DPYSL5: variants seen among roughly 807,000 people sequenced by gnomAD.
DPYSL5 encodes the protein dihydropyrimidinase-related protein 5.
In DPYSL5, 9 loss-of-function variants were observed where a neutral mutation model predicts 58.4. The ratio of observed to expected loss-of-function variants is 0.15; its 90% CI spans 0.09 to 0.27. DPYSL5 has a LOEUF of 0.27. Among genes scored for constraint, DPYSL5 ranks in the 10% least tolerant of loss-of-function variants. The pLI, the probability that DPYSL5 is intolerant of heterozygous loss-of-function variation, is 1.00. For missense variants in DPYSL5, 499 were observed against 770.6 expected (o/e 0.65, Z 4.17); for synonymous variants, 293 against 301.9 (o/e 0.97, Z 0.31).
chr2:26,876,515 T>C (rs934162530), intron 1 of DPYSL5, among the ~76,000 whole-genome samples: 1 of 152,084 alleles, frequency 6.6e-6, no homozygotes, highest in Non-Finnish European at 1.5e-5. Flanking sequence ...TTTTGGGGTT[T>C]GTTTTTGTTT....
In DPYSL5 at chr2:26,942,686, G is replaced by A; in HGVS notation, c.1376G>A (p.Gly459Asp). ...GTCTTCATGTGCGCCGAGGGCACCG[G>A]CAAGTTCTGTCCCCTGAGGTCCTTC... ...NGVFMCAEGT[G>D]KFCPLRSFPD... is the part of the protein sequence containing the mutation. The change falls in exon 11 of 13, where the codon GGC becomes GAC. Residue 459 changes from glycine (G) to aspartate (D), a missense_variant. By Grantham distance (94) the Gly-to-Asp change is moderately conservative. This residue lies in a region of DPYSL5 where 404 missense variants were observed against 647.6 expected (regional missense o/e 0.62). Transcript: ENST00000288699. This position sits in a 1 kb window ranked among gnomAD's most constrained non-coding sequence, Gnocchi z 5.9. 6.2e-7 allele frequency: 1 copy of A among 1,614,188 alleles called. No individual in the cohort carries two copies. Among genetic ancestry groups the A allele is most frequent in the Non-Finnish European group, 8.5e-7 (1 of 1,180,044 alleles).
At chr2:26,858,348 G>T (rs1402488964) in intron 1 of DPYSL5, among the ~76,000 whole-genome samples, 1 of 151,628 alleles carries the variant, frequency 6.6e-6, no homozygotes, top group Non-Finnish European at 1.5e-5. Context: ...ATTTTTTGTA[G>T]TTTTAGTAAA....
intron 1 of DPYSL5, among the ~76,000 whole-genome samples, chr2:26,882,180 C>T (rs1663585793): frequency 6.6e-6 from 1 of 151,422 alleles, no homozygotes; most frequent in Admixed American, 6.6e-5. Context: ...GAAAGTTTTC[C>T]ACCTTATTTC....
At chr2:26,858,657 AG>A in intron 1 of DPYSL5, among the ~76,000 whole-genome samples, 1 of 150,580 alleles carries the variant, frequency 6.6e-6, no homozygotes, top group Middle Eastern at 3.4e-3. Context: ...TCGATTTCCC[AG>A]GCTCAAGCAA....
chr2:26,927,572 G>C lies in DPYSL5; in HGVS notation c.600+140G>C. ...TAAAGTGTGAGGTGTGGACACCCCAGCTGTCAGATCTTGGTCAGAAAATCC... is the reference window on the plus strand; with the variant it reads ...TAAAGTGTGAGGTGTGGACACCCCACCTGTCAGATCTTGGTCAGAAAATCC... On this transcript the variant is annotated intron_variant, in intron 4 of 12. Coordinates refer to ENST00000288699, the MANE Select transcript of DPYSL5 (RefSeq NM_020134.4). The surrounding 1 kb of genome is among the most constrained non-coding windows in gnomAD (Gnocchi z 4.3). 1 of 1,047,328 alleles carries C rather than the reference G, an allele frequency of 9.5e-7. No homozygotes were observed. Among genetic ancestry groups the C allele is most frequent in the Non-Finnish European group, 1.3e-6 (1 of 751,510 alleles). The allele number at this position is 1,047,328 out of a possible 1,614,324, so 64.9% of individuals were successfully genotyped here. A position where few individuals can be genotyped will look rare whatever the true frequency, so the allele number is the denominator to read the frequency against.
At chr2:26,869,793 C>T (rs1326131896) in intron 1 of DPYSL5, among the ~76,000 whole-genome samples, 2 of 152,058 alleles carry the variant, frequency 1.3e-5, no homozygotes, top group Admixed American at 6.6e-5. Context: ...GGGCGGATCA[C>T]GAAGTCAGGA....
chr2:26,872,421 G>A (rs1212589353), intron 1 of DPYSL5, among the ~76,000 whole-genome samples: 1 of 152,216 alleles, frequency 6.6e-6, no homozygotes, highest in Non-Finnish European at 1.5e-5. Context: ...GCCAGGCGCG[G>A]TGGCTCACGC....
At position 26,879,371 on chromosome 2, in the gene DPYSL5, A is replaced by C. The variant is rs141076218; in HGVS notation, c.-4-19125A>C. ...CATGGTGGCTCATGACTGTAATCCC[A>C]GCACTTTGGGAGCCTGAGGTGGGCA... On this transcript the variant is annotated intron_variant, in intron 1 of 12. Transcript: ENST00000288699. 2.5e-3 allele frequency among the ~76,000 whole-genome samples: 386 copies of C among 151,390 alleles called. 4 individuals are homozygous for C. The highest frequency in any genetic ancestry group is 2.4e-3 in the Non-Finnish European group (160 of 67,874).
chr2:26,921,632 T>C (rs1033338644), intron 2 of DPYSL5, among the ~76,000 whole-genome samples: 1 of 152,242 alleles, frequency 6.6e-6, no homozygotes, highest in Non-Finnish European at 1.5e-5. Flanking sequence ...AAGCCAACTC[T>C]ATGTATGTCT....
chr2:26,932,208 A>AAAAGAAAGAAAGAAAGAAAG (rs144602360), intron 6 of DPYSL5, among the ~76,000 whole-genome samples: 4 of 70,170 alleles, frequency 5.7e-5, no homozygotes, highest in African/African-American at 2.3e-4. Flanking sequence ...AGAAAGAAAG[A>AAAAGAAAGAAAGAAAGAAAG]AAAGAAAGAA....
intron 1 of DPYSL5, among the ~76,000 whole-genome samples, chr2:26,870,859 C>G (rs1038254139): frequency 6.6e-5 from 10 of 152,116 alleles, no homozygotes; most frequent in Non-Finnish European, 1.3e-4. Flanking sequence ...GTCTTTTAAG[C>G]CTGCTGTGTA....
chr2:26,885,821 C>T (rs1178428747), intron 1 of DPYSL5, among the ~76,000 whole-genome samples: 1 of 152,184 alleles, frequency 6.6e-6, no homozygotes, highest in Non-Finnish European at 1.5e-5. Context: ...CAGTTCCTTG[C>T]CCCAGGGTTG....
chr2:26,929,223 C>T (rs183617376), intron 5 of DPYSL5, among the ~76,000 whole-genome samples: 1 of 152,154 alleles, frequency 6.6e-6, no homozygotes, highest in East Asian at 1.9e-4. Flanking sequence ...GGAACAGTTT[C>T]TTTCTTTATT....
At position 26,853,571 on chromosome 2, in the gene DPYSL5, A is replaced by T. The variant is rs997238340; in HGVS notation, c.-5+5317A>T. ...ACCATCTGTATCAGTTCTCCAGGAT[A>T]ACTGGAGTTCTCCAGAAAAACAGAA... On this transcript the variant is annotated intron_variant, in intron 1 of 12. Transcript: ENST00000288699. Among the ~76,000 whole-genome samples the T allele has an allele frequency of 2.6e-5, 4 of 152,306 alleles. No individual in the cohort carries two copies. In the East Asian group the frequency reaches 5.8e-4, roughly 22 times the overall value.
intron 2 of DPYSL5, among the ~76,000 whole-genome samples, chr2:26,900,947 C>T (rs576812415): frequency 2.4e-3 from 361 of 152,220 alleles, no homozygotes; most frequent in African/African-American, 8.4e-3. Context: ...CCTCATTAGC[C>T]AAGAGCGACT....
At chr2:26,930,535 C>T (rs188973351) in intron 5 of DPYSL5, among the ~76,000 whole-genome samples, 1 of 152,302 alleles carries the variant, frequency 6.6e-6, no homozygotes, top group Non-Finnish European at 1.5e-5. Context: ...TAAAGAATTA[C>T]GCAACTCGGC....
At position 26,947,697 on chromosome 2, in the gene DPYSL5, G is replaced by A. The variant is rs920296167; in HGVS notation, c.*702G>A. ...TTGTTTTGCACGTTTGGTTTGCGCA[G>A]TAGTTTGGTTTGACTTGTTTGTGCA... On this transcript the variant is annotated 3_prime_UTR_variant, in exon 13 of 13. Coordinates refer to ENST00000288699, the MANE Select transcript of DPYSL5 (RefSeq NM_020134.4). The surrounding 1 kb of genome is among the most constrained non-coding windows in gnomAD (Gnocchi z 4.2). The A allele has an allele frequency of 2.0e-5, 3 of 152,994 alleles. No individual in the cohort carries two copies. Among genetic ancestry groups the A allele is most frequent in the African/African-American group, 7.2e-5 (3 of 41,482 alleles). 9.5% of individuals were successfully genotyped at this position (152,994 alleles called of 1,614,324 possible).
In DPYSL5 at chr2:26,947,023, A is replaced by G. The variant is rs772556923; in HGVS notation, c.*28A>G. On this transcript the variant is annotated 3_prime_UTR_variant, in exon 13 of 13. Coordinates refer to ENST00000288699, the MANE Select transcript of DPYSL5 (RefSeq NM_020134.4). This position sits in a 1 kb window ranked among gnomAD's most constrained non-coding sequence, Gnocchi z 4.2. ...GCATTGCCAAGCCCCCCGAGTGAGG[A>G]CGCACCGCCGCCACCAGCCCGCAAC... 7 of 1,562,622 alleles carry G rather than the reference A, an allele frequency of 4.5e-6. No homozygotes were observed. Among genetic ancestry groups the G allele is most frequent in the Non-Finnish European group, 6.2e-6 (7 of 1,138,126 alleles).
intron 1 of DPYSL5, among the ~76,000 whole-genome samples, chr2:26,873,895 C>T (rs1422109524): frequency 6.6e-6 from 1 of 152,240 alleles, no homozygotes; most frequent in Non-Finnish European, 1.5e-5. Context: ...TAACAGCTAT[C>T]TGGGCATCCC....
Sources: gnomAD v4.1 joint callset for allele counts (sites outside exome capture counted in the v4.1 genomes callset) on GRCh38, gnomAD v4.1.1 for gene constraint, gnomAD v4.1.1 regional missense constraint, Gnocchi (gnomAD v3.1) non-coding constraint, MANE v1.5 for transcripts, NCBI Gene and HGNC (gene_info 2026-07-23, HGNC 2026-07-21) for gene names.